Variants in TPGS2 observed in about 807,000 individuals in gnomAD.
The protein encoded by TPGS2 is polyglutamylase subunit 2.
TPGS2 carries 26 observed loss-of-function variants against 31.1 expected under a neutral mutation model. The observed-to-expected ratio is 0.84, with a 90% confidence interval of 0.61 to 1.16. The LOEUF (loss-of-function observed/expected upper bound fraction) is 1.16, where lower values mean the gene tolerates loss of function less well. Ranked by LOEUF, TPGS2 falls within the 50% of genes most tolerant of loss-of-function variation. The pLI is 0.00. For synonymous variants in TPGS2, 130 were observed against 136.6 expected (o/e 0.95, Z 0.34); for missense variants, 351 against 363.8 (o/e 0.96, Z 0.29).
chr18:36,818,728 A>G lies in TPGS2; in HGVS notation c.165+166T>C. ...CATGCTGGGTAAGTGGCATAGAATG[A>G]AAGGAACTGTTAAGTGGGCTGAACA... On this transcript the variant is annotated intron_variant, in intron 2 of 6. Transcript: ENST00000334295. 8.7e-6 allele frequency: 5 copies of G among 573,912 alleles called. No homozygotes were observed. The South Asian group carries it at 1.4e-4, about 17-fold the overall frequency. 35.6% of individuals were successfully genotyped at this position (573,912 alleles called of 1,614,324 possible).
intron 2 of TPGS2, among the ~76,000 whole-genome samples, chr18:36,813,963 G>A (rs569748918): frequency 1.3e-5 from 2 of 152,136 alleles, no homozygotes; most frequent in African/African-American, 2.4e-5. Flanking sequence ...ACAGTGGGGC[G>A]TGTAACAAAC....
At chr18:36,824,490 C>T (rs2046044390) in intron 1 of TPGS2, among the ~76,000 whole-genome samples, 1 of 152,208 alleles carries the variant, frequency 6.6e-6, no homozygotes, top group African/African-American at 2.4e-5. Flanking sequence ...ATTTTACATC[C>T]CCACCAGCAG....
In TPGS2 at chr18:36,828,972, C is replaced by T; in HGVS notation, c.-205G>A. On this transcript the variant is annotated 5_prime_UTR_variant, in exon 1 of 7. The change creates a new upstream start codon in the 5' untranslated region. Coordinates refer to ENST00000334295, the MANE Select transcript of TPGS2 (RefSeq NM_015476.4). The stretch of plus-strand genomic sequence containing the variant: ...CCGCGGCCCCGCCCGGTGCCCCACA[C>T]CGCACCTCCGGGACGTAGCTTCCCC... 9.6e-7 allele frequency: 1 copy of T among 1,038,622 alleles called. No homozygotes were observed. Among genetic ancestry groups the T allele is most frequent in the Non-Finnish European group, 1.3e-6 (1 of 752,214 alleles). 64.3% of individuals were successfully genotyped at this position (1,038,622 alleles called of 1,614,324 possible). A position where few individuals can be genotyped will look rare whatever the true frequency, so the allele number is the denominator to read the frequency against.
At chr18:36,782,973 AGGT>A (rs2044051910), downstream of TPGS2, 1 of 397,394 alleles carries the variant, frequency 2.5e-6, no homozygotes, top group African/African-American at 2.1e-5. Context: ...GCTGGGACAG[AGGT>A]GAACCCAGAG....
chr18:36,807,417 G>C (rs1234081596), intron 3 of TPGS2: 1 of 159,076 alleles, frequency 6.3e-6, no homozygotes, highest in Non-Finnish European at 1.4e-5. Context: ...AGGGCCCTAA[G>C]GTCTTTATGA....
In TPGS2 at chr18:36,795,999, TAAGG is replaced by T. The variant is rs1431263567; in HGVS notation, c.*802_*805del. The T allele has an allele frequency of 1.5e-5, 15 of 985,274 alleles. No individual in the cohort carries two copies. Among genetic ancestry groups the T allele is most frequent in the African/African-American group, 1.0e-4 (6 of 57,226 alleles). 61.0% of individuals were successfully genotyped at this position (985,274 alleles called of 1,614,324 possible). A position where few individuals can be genotyped will look rare whatever the true frequency, so the allele number is the denominator to read the frequency against. ...AAGTACACCTTCTTTAAAAAGTTAA[TAAGG>T]AAGATAATTGTGGAACGTGTACAAA... On this transcript the variant is annotated 3_prime_UTR_variant, in exon 7 of 7. Transcript: ENST00000334295.
At chr18:36,788,506 ATCTTG>A (rs2044201717) in intron 6 of TPGS2, among the ~76,000 whole-genome samples, 2 of 152,168 alleles carry the variant, frequency 1.3e-5, no homozygotes, top group African/African-American at 2.4e-5. Flanking sequence ...CAGAGGTTTA[ATCTTG>A]TCTTTAGTGT....
At position 36,800,229 on chromosome 18, in the gene TPGS2, T is replaced by C; in HGVS notation, c.465A>G (p.Lys155=). Residue 155 remains lysine (K), a synonymous_variant, in exon 5 of 7, where the codon AAA becomes AAG. Coordinates refer to ENST00000334295, the MANE Select transcript of TPGS2 (RefSeq NM_015476.4). ...FELDSCNGSG[K]VCLVYKSGKP... ...TCCCACTTTTGTAGACAAGGCAAAC[T>C]TTCCCACTGCCATTGCATGAATCCA... is the stretch of plus-strand genomic sequence containing the variant. 4 of 1,614,116 alleles carry C rather than the reference T, an allele frequency of 2.5e-6. No homozygotes were observed. Among genetic ancestry groups the C allele is most frequent in the Non-Finnish European group, 3.4e-6 (4 of 1,179,996 alleles).
Position 36,794,155 on chromosome 18 carries a change from T to TA in TPGS2, c.*2649dup. 1.9e-6 allele frequency: 1 copy of TA among 537,666 alleles called. No individual in the cohort carries two copies. The highest frequency in any genetic ancestry group is 2.4e-6 in the Non-Finnish European group (1 of 420,954). The allele number at this position is 537,666 out of a possible 1,614,324, so 33.3% of individuals were successfully genotyped here. ...AGTTAGAACAGCATTAAGTAGCAAA[T>TA]AAAAAACACAGCCATAACAAGTTGA... On this transcript the variant is annotated 3_prime_UTR_variant, in exon 7 of 7. Transcript: ENST00000334295.
downstream of TPGS2, among the ~76,000 whole-genome samples, chr18:36,780,875 A>G (rs2043993269): frequency 6.6e-6 from 1 of 152,174 alleles, no homozygotes; most frequent in South Asian, 2.1e-4. Flanking sequence ...GTCAATGTGA[A>G]GGCCTGGGAC....
chr18:36,795,813 G>A lies in TPGS2; in HGVS notation c.*992C>T, dbSNP rs1002174950. ...TAAGGATGGCCAGGGACCAGGCAAA[G>A]TGAGGCTGGACAACTCAGAGCTGTG... On this transcript the variant is annotated 3_prime_UTR_variant, in exon 7 of 7. Coordinates refer to ENST00000334295, the MANE Select transcript of TPGS2 (RefSeq NM_015476.4). 1 of 985,364 alleles carries A rather than the reference G, an allele frequency of 1.0e-6. No individual in the cohort carries two copies. The highest frequency in any genetic ancestry group is 1.2e-6 in the Non-Finnish European group (1 of 829,962). The allele number at this position is 985,364 out of a possible 1,614,324, so 61.0% of individuals were successfully genotyped here. A position where few individuals can be genotyped will look rare whatever the true frequency, so the allele number is the denominator to read the frequency against.
At chr18:36,805,261 G>T in intron 4 of TPGS2, 113 bp downstream of exon 4, 1 of 1,232,346 alleles carries the variant, frequency 8.1e-7, no homozygotes, top group Non-Finnish European at 1.2e-6. Context: ...AATGTTGAGT[G>T]AGGTTTAATC....
At chr18:36,803,627 T>C (rs2044951900) in intron 4 of TPGS2, among the ~76,000 whole-genome samples, 1 of 152,234 alleles carries the variant, frequency 6.6e-6, no homozygotes, top group Non-Finnish European at 1.5e-5. Flanking sequence ...TATTTTCCAC[T>C]TCTCTTAATT....
intron 4 of TPGS2, among the ~76,000 whole-genome samples, chr18:36,803,700 T>C: frequency 6.6e-6 from 1 of 152,316 alleles, no homozygotes; most frequent in East Asian, 1.9e-4. Flanking sequence ...AAGATATTTC[T>C]TGCACTTGAT....
At position 36,796,003 on chromosome 18, in the gene TPGS2, G is replaced by T; in HGVS notation, c.*802C>A. On this transcript the variant is annotated 3_prime_UTR_variant, in exon 7 of 7. Coordinates refer to ENST00000334295, the MANE Select transcript of TPGS2 (RefSeq NM_015476.4). ...ACACCTTCTTTAAAAAGTTAATAAG[G>T]AAGATAATTGTGGAACGTGTACAAA... The T allele has an allele frequency of 1.0e-6, 1 of 985,434 alleles. No individual in the cohort carries two copies. The highest frequency in any genetic ancestry group is 1.2e-6 in the Non-Finnish European group (1 of 829,940). The allele number at this position is 985,434 out of a possible 1,614,324, so 61.0% of individuals were successfully genotyped here.
downstream of TPGS2, among the ~76,000 whole-genome samples, chr18:36,793,746 T>C (rs1365486616): frequency 6.6e-6 from 1 of 152,044 alleles, no homozygotes; most frequent in Non-Finnish European, 1.5e-5. Context: ...TTTCTTTTTT[T>C]TTTTTCTTTG....
chr18:36,821,139 A>G (rs1165213572), intron 1 of TPGS2: 5 of 152,172 alleles, frequency 3.3e-5, no homozygotes, highest in African/African-American at 1.2e-4. Flanking sequence ...CCTATAAAAT[A>G]TTGTGAAAAA....
chr18:36,815,740 G>C (rs1237885706), intron 2 of TPGS2, among the ~76,000 whole-genome samples: 2 of 152,066 alleles, frequency 1.3e-5, no homozygotes, highest in Non-Finnish European at 2.9e-5. Context: ...TATCTTCCAA[G>C]CATCCCAGGC....
exon 7 of TPGS2, chr18:36,782,996 C>T (rs2044052358): frequency 5.0e-6 from 2 of 398,172 alleles, no homozygotes; most frequent in East Asian, 7.1e-5. Flanking sequence ...GCCCTGTCCA[C>T]AAATGTCAAG....
Sources: gnomAD v4.1 joint callset for allele counts (sites outside exome capture counted in the v4.1 genomes callset) on GRCh38, gnomAD v4.1.1 for gene constraint, MANE v1.5 for transcripts, NCBI Gene and HGNC (gene_info 2026-07-23, HGNC 2026-07-21) for gene names.